Variants in FHIT observed in about 807,000 individuals in gnomAD.
FHIT encodes the protein fragile histidine triad diadenosine triphosphatase.
FHIT carries 19 observed loss-of-function variants against 17.9 expected under a neutral mutation model. The observed-to-expected ratio is 1.06, with a 90% confidence interval of 0.74 to 1.56. The LOEUF (loss-of-function observed/expected upper bound fraction) is 1.56, where lower values mean the gene tolerates loss of function less well. FHIT is among the 40% of genes most tolerant of loss of function. The pLI is 0.00. For synonymous variants in FHIT, 81 were observed against 69.7 expected, an observed-to-expected ratio of 1.16 and a Z score of -0.81; for missense variants, 248 against 189.2, an observed-to-expected ratio of 1.31 and a Z score of -1.82.
chr3:60,242,045 GGTGT>G (rs981207352), intron 5 of FHIT, among the ~76,000 whole-genome samples: 4 of 151,848 alleles, frequency 2.6e-5, no homozygotes, highest in African/African-American at 9.7e-5. Flanking sequence ...ATAAAAACAG[GGTGT>G]GTATGTAATT....
intron 3 of FHIT, among the ~76,000 whole-genome samples, chr3:60,878,310 C>G (rs1208451558): frequency 6.6e-6 from 1 of 152,098 alleles, no homozygotes; most frequent in Non-Finnish European, 1.5e-5. Context: ...AGCACCCTGA[C>G]TCCATAGCCA....
intron 3 of FHIT, among the ~76,000 whole-genome samples, chr3:60,854,862 A>T (rs1703313693): frequency 6.6e-6 from 1 of 152,188 alleles, no homozygotes. Flanking sequence ...GATTTCTGTT[A>T]GGAAAGAATG....
chr3:59,816,435 G>A (rs1700602832), intron 8 of FHIT, among the ~76,000 whole-genome samples: 1 of 152,194 alleles, frequency 6.6e-6, no homozygotes, highest in Non-Finnish European at 1.5e-5. Context: ...TCCTTGGCAT[G>A]ATTGGAGATA....
intron 5 of FHIT, among the ~76,000 whole-genome samples, chr3:60,524,056 T>G (rs993873101): frequency 6.6e-6 from 1 of 152,174 alleles, no homozygotes; most frequent in African/African-American, 2.4e-5. Flanking sequence ...CCAGGGTCAC[T>G]CATCTAGCAA....
intron 2 of FHIT, among the ~76,000 whole-genome samples, chr3:61,137,153 T>C (rs1269994137): frequency 1.3e-5 from 2 of 152,170 alleles, no homozygotes; most frequent in East Asian, 3.9e-4. Flanking sequence ...GCAGACTCTT[T>C]GTGGCACAGT....
chr3:60,405,202 G>A (rs2107204107), intron 5 of FHIT, among the ~76,000 whole-genome samples: 1 of 152,256 alleles, frequency 6.6e-6, no homozygotes, highest in Admixed American at 6.5e-5. Context: ...CTTCCCATTT[G>A]GCACACTTTC....
intron 5 of FHIT, among the ~76,000 whole-genome samples, chr3:60,412,220 T>G (rs1385356634): frequency 6.6e-6 from 1 of 152,050 alleles, no homozygotes; most frequent in African/African-American, 2.4e-5. Flanking sequence ...TAAAGGTAAG[T>G]AGATACATAG....
chr3:61,032,850 C>T (rs956976759), intron 3 of FHIT, among the ~76,000 whole-genome samples: 3 of 152,182 alleles, frequency 2.0e-5, no homozygotes, highest in Non-Finnish European at 2.9e-5. Flanking sequence ...CTGCCATCTG[C>T]AAGCTGGAGG....
intron 8 of FHIT, among the ~76,000 whole-genome samples, chr3:59,875,928 G>A (rs35245215): frequency 0.058 from 8,612 of 147,556 alleles, 322 homozygotes; most frequent in South Asian, 0.099. Context: ...GAAACAACTC[G>A]TCTGTTTGAT....
chr3:60,286,628 C>T (rs564013460), intron 5 of FHIT, among the ~76,000 whole-genome samples: 4 of 152,144 alleles, frequency 2.6e-5, no homozygotes, highest in African/African-American at 7.2e-5. Context: ...TAACAAGGAG[C>T]TTAATCTACT....
At chr3:60,618,780 A>G (rs1553676990) in intron 4 of FHIT, among the ~76,000 whole-genome samples, 1 of 152,190 alleles carries the variant, frequency 6.6e-6, no homozygotes, top group Admixed American at 6.5e-5. Flanking sequence ...AGGGTCCTTA[A>G]AAGTGGAAGA....
chr3:59,896,994 G>C (rs557619549), intron 8 of FHIT, among the ~76,000 whole-genome samples: 53 of 152,140 alleles, frequency 3.5e-4, no homozygotes, highest in Non-Finnish European at 6.6e-4. Flanking sequence ...GTCAGAGGCT[G>C]TGACAAACCA....
chr3:60,841,465 A>G (rs1439423299), intron 3 of FHIT, among the ~76,000 whole-genome samples: 4 of 152,248 alleles, frequency 2.6e-5, no homozygotes, highest in African/African-American at 9.6e-5. Flanking sequence ...CGGAAAACTT[A>G]AATTCCCAGA....
chr3:60,714,971 C>T (rs529427073), intron 4 of FHIT, among the ~76,000 whole-genome samples: 62 of 152,190 alleles, frequency 4.1e-4, no homozygotes, highest in African/African-American at 1.1e-3. Flanking sequence ...GAGCCCGCAT[C>T]GCCAAGTCAA....
At chr3:61,088,632 G>A (rs2035378830) in intron 2 of FHIT, among the ~76,000 whole-genome samples, 1 of 152,090 alleles carries the variant, frequency 6.6e-6, no homozygotes, top group Admixed American at 6.6e-5. Flanking sequence ...AACCTTATGA[G>A]GGAGTATAAA....
At chr3:60,318,918 G>C (rs576507094) in intron 5 of FHIT, among the ~76,000 whole-genome samples, 1 of 152,128 alleles carries the variant, frequency 6.6e-6, no homozygotes, top group African/African-American at 2.4e-5. Context: ...TCTAGTGGCT[G>C]CCTATACTCC....
chr3:59,887,332 A>C (rs1703668207), intron 8 of FHIT, among the ~76,000 whole-genome samples: 1 of 152,190 alleles, frequency 6.6e-6, no homozygotes. Context: ...AGCCTGGGGA[A>C]GAACAGGATC....
chr3:60,826,167 AAGG>A (rs1702109365), intron 3 of FHIT, among the ~76,000 whole-genome samples: 10 of 59,698 alleles, frequency 1.7e-4, no homozygotes, highest in African/African-American at 5.6e-4. Context: ...GGAAGGAAGG[AAGG>A]AAGGAAGGAA....
intron 4 of FHIT, among the ~76,000 whole-genome samples, chr3:60,788,452 T>G (rs1410476783): frequency 6.6e-6 from 1 of 152,348 alleles, no homozygotes; most frequent in Non-Finnish European, 1.5e-5. Context: ...ACATAGAATG[T>G]ATATGTGTAT....
Sources: gnomAD v4.1 joint callset for allele counts (sites outside exome capture counted in the v4.1 genomes callset) on GRCh38, gnomAD v4.1.1 for gene constraint, MANE v1.5 for transcripts, NCBI Gene and HGNC (gene_info 2026-07-23, HGNC 2026-07-21) for gene names.